KNL1: variants seen among roughly 807,000 people sequenced by gnomAD.
KNL1 encodes the protein outer kinetochore KNL1 complex subunit KNL1.
In KNL1, 66 loss-of-function variants were observed where a neutral mutation model predicts 201.3. The ratio of observed to expected loss-of-function variants is 0.33; its 90% CI spans 0.27 to 0.40. The LOEUF (loss-of-function observed/expected upper bound fraction) is 0.40, where lower values mean the gene tolerates loss of function less well. Among genes scored for constraint, KNL1 ranks in the 10% least tolerant of loss-of-function variants. KNL1 has a pLI of 1.00. For missense variants in KNL1, 2,815 were observed against 2,690.5 expected (o/e 1.05, Z -1.02); for synonymous variants, 895 against 899.2 (o/e 1.00, Z 0.08).
chr15:40,609,600 C>G (rs1043091460), intron 5 of KNL1, among the ~76,000 whole-genome samples: 1 of 152,034 alleles, frequency 6.6e-6, no homozygotes, highest in Non-Finnish European at 1.5e-5. Flanking sequence ...ATAACAAAAG[C>G]CAGTGAAATA....
rs762292107 is a variant in KNL1 at position 40,650,501 on chromosome 15, C to CTAA, written c.6173-40_6173-38dup. On this transcript the variant is annotated intron_variant, in intron 18 of 25. Transcript: ENST00000399668. ...TAAAACAGATTTTTGTGGCAACATT[C>CTAA]TAATATGTTTGTTCTGTTTTTTTTT... 1.1e-5 allele frequency: 17 copies of CTAA among 1,542,188 alleles called. No homozygotes were observed. In the South Asian group the frequency reaches 2.1e-4, roughly 19 times the overall value.
chr15:40,612,042 G>T (rs1224217829), intron 7 of KNL1, among the ~76,000 whole-genome samples: 2 of 152,074 alleles, frequency 1.3e-5, no homozygotes, highest in Non-Finnish European at 2.9e-5. Context: ...AATTGGCCGG[G>T]CACAGTGGCT....
chr15:40,641,008 C>G lies in KNL1; in HGVS notation c.5779C>G (p.Arg1927Gly). The G allele has an allele frequency of 1.2e-6, 2 of 1,609,590 alleles. No homozygotes were observed. Among genetic ancestry groups the G allele is most frequent in the East Asian group, 2.2e-5 (1 of 44,814 alleles). Residue 1927 changes from arginine to glycine, a missense_variant, in exon 14 of 26, where the codon CGT becomes GGT. This residue lies in a region of KNL1 where 2,464 missense variants were observed against 2,291.7 expected (regional missense o/e 1.08). Coordinates refer to ENST00000399668, the MANE Select transcript of KNL1 (RefSeq NM_144508.5). ...GATTTATAGAGAAGATTGTGAGGCT[C>G]GTCGCCAAAAGATTGAAGAGTATGA... ...IQIYREDCEARRQKIEELKLS... is the reference protein window; with the variant it reads ...IQIYREDCEAGRQKIEELKLS...
At chr15:40,616,780 C>T (rs900651011) in intron 8 of KNL1, among the ~76,000 whole-genome samples, 1 of 152,176 alleles carries the variant, frequency 6.6e-6, no homozygotes, top group South Asian at 2.1e-4. Flanking sequence ...GAATAAAGCC[C>T]ATACTCCTTA....
chr15:40,625,605 GAGAT>G lies in KNL1; in HGVS notation c.5342_5345del (p.Glu1781ValfsTer21). ...TAAGGAGAAAAAAATCAGAAAAAATGAGATTAAGTTTAGTGATACGACACAAGAT... is the reference window on the plus strand; with the variant it reads ...TAAGGAGAAAAAAATCAGAAAAAATGTAAGTTTAGTGATACGACACAAGAT... On this transcript the variant is annotated frameshift_variant, in exon 10 of 26. Transcript: ENST00000399668. LOFTEE classifies it high-confidence loss of function. 1 of 1,610,038 alleles carries G rather than the reference GAGAT, an allele frequency of 6.2e-7. No individual in the cohort carries two copies. The highest frequency in any genetic ancestry group is 8.5e-7 in the Non-Finnish European group (1 of 1,179,080).
intron 12 of KNL1, 48 bp from the exon 13 acceptor site, chr15:40,629,225 A>C (rs1297724523): frequency 9.5e-7 from 1 of 1,053,392 alleles, no homozygotes; most frequent in Non-Finnish European, 1.4e-6. Context: ...GTTATATCAA[A>C]GTGAAATCAC....
chr15:40,606,462 T>C lies in KNL1; in HGVS notation c.135+10T>C. The C allele has an allele frequency of 1.4e-6, 2 of 1,449,146 alleles. No individual in the cohort carries two copies. Among genetic ancestry groups the C allele is most frequent in the Non-Finnish European group, 1.9e-6 (2 of 1,030,814 alleles). The allele number at this position is 1,449,146 out of a possible 1,614,324, so 89.8% of individuals were successfully genotyped here. On this transcript the variant is annotated intron_variant, in intron 4 of 25. Transcript: ENST00000399668. ...GAATGAAAGAGTTCAGGTAAGTCTT[T>C]TGTGCAAATACTTTATAGATGACTA...
chr15:40,619,133 G>A, intron 9 of KNL1, 122 bp downstream of exon 9: 1 of 725,836 alleles, frequency 1.4e-6, no homozygotes, highest in Non-Finnish European at 2.4e-6. Flanking sequence ...GCATAAACTG[G>A]AAAGGCTTCC....
chr15:40,646,234 A>G (rs769835656), intron 16 of KNL1, among the ~76,000 whole-genome samples: 1 of 152,202 alleles, frequency 6.6e-6, no homozygotes, highest in Non-Finnish European at 1.5e-5. Flanking sequence ...TCAGAGAAAC[A>G]TAATTTTTTA....
At chr15:40,598,644 G>A (rs1038915011) in intron 1 of KNL1, among the ~76,000 whole-genome samples, 11 of 152,080 alleles carry the variant, frequency 7.2e-5, no homozygotes, top group Admixed American at 1.3e-4. Flanking sequence ...ATTGGAAATC[G>A]AATTAGATGT....
At chr15:40,642,774 C>T (rs563006969) in intron 14 of KNL1, among the ~76,000 whole-genome samples, 1 of 152,130 alleles carries the variant, frequency 6.6e-6, no homozygotes, top group African/African-American at 2.4e-5. Flanking sequence ...ATTACAGGTG[C>T]CCACCAACAT....
intron 15 of KNL1, 116 bp from the exon 16 acceptor site, chr15:40,645,540 A>G: frequency 1.9e-6 from 1 of 519,860 alleles, no homozygotes; most frequent in Admixed American, 3.1e-5. Flanking sequence ...ATGGAATTAA[A>G]TTTGCAAATG....
chr15:40,628,705 T>C (rs1241086576), intron 12 of KNL1, 27 bp downstream of exon 12: 2 of 1,441,118 alleles, frequency 1.4e-6, no homozygotes, highest in Non-Finnish European at 1.9e-6. Context: ...TTTCTTTTTT[T>C]TATTTATAAA....
rs1399929412 is a variant in KNL1, at chr15:40,618,814, TAAA to T, written c.323-140_323-138del. On this transcript the variant is annotated intron_variant, in intron 8 of 25. Coordinates refer to ENST00000399668, the MANE Select transcript of KNL1 (RefSeq NM_144508.5). ...AATGATGTATCAATTTTTAAAAAATTAAAAAAATTTAATACGTAAGTTCTTAAG... is the reference window on the plus strand; with the variant it reads ...AATGATGTATCAATTTTTAAAAAATTAAAATTTAATACGTAAGTTCTTAAG... 13 of 511,544 alleles carry T rather than the reference TAAA, an allele frequency of 2.5e-5. No individual in the cohort carries two copies. The South Asian group carries it at 3.0e-4, about 12-fold the overall frequency. 31.7% of individuals were successfully genotyped at this position (511,544 alleles called of 1,614,324 possible). A position where few individuals can be genotyped will look rare whatever the true frequency, so the allele number is the denominator to read the frequency against.
At position 40,622,550 on chromosome 15, in the gene KNL1, G is replaced by A. The variant is rs1235052148; in HGVS notation, c.2286G>A (p.Met762Ile). 1 of 1,613,736 alleles carries A rather than the reference G, an allele frequency of 6.2e-7. No individual in the cohort carries two copies. Among genetic ancestry groups the A allele is most frequent in the East Asian group, 2.2e-5 (1 of 44,856 alleles). Residue 762 changes from methionine to isoleucine, a missense_variant, in exon 10 of 26, where the codon ATG becomes ATA. Coordinates refer to ENST00000399668, the MANE Select transcript of KNL1 (RefSeq NM_144508.5). ...TATGTTCAGAGGAAGAGCAAAATATGGATCTAACAAAGAGCCACACTGTCG... is the reference window on the plus strand; with the variant it reads ...TATGTTCAGAGGAAGAGCAAAATATAGATCTAACAAAGAGCCACACTGTCG... ...MIICSEEEQN[M>I]DLTKSHTVVI... is the part of the protein sequence containing the mutation.
In KNL1 at chr15:40,624,085, G is replaced by A; in HGVS notation, c.3821G>A (p.Ser1274Asn). 1 of 1,614,044 alleles carries A rather than the reference G, an allele frequency of 6.2e-7. No individual in the cohort carries two copies. The highest frequency in any genetic ancestry group is 1.1e-5 in the South Asian group (1 of 91,084). The stretch of plus-strand genomic sequence containing the variant: ...ACATTGGAAAAAGCGCAAGTTGAAA[G>A]CTGTCAGTTAAATAATAGAGATAGA... ...ACTLEKAQVE[S>N]CQLNNRDRRN... The change falls in exon 10 of 26, where the codon AGC becomes AAC. Residue 1274 changes from serine to asparagine, a missense_variant. Ser to Asn is a conservative substitution (Grantham distance 46). Transcript: ENST00000399668.
intron 9 of KNL1, among the ~76,000 whole-genome samples, chr15:40,619,310 G>A (rs1892440467): frequency 1.3e-5 from 2 of 151,576 alleles, no homozygotes; most frequent in Non-Finnish European, 2.9e-5. Flanking sequence ...GTAGCAAAGA[G>A]TTAATCTGTG....
intron 13 of KNL1, among the ~76,000 whole-genome samples, chr15:40,631,781 A>C (rs1239764538): frequency 2.6e-5 from 4 of 152,112 alleles, no homozygotes; most frequent in Admixed American, 6.6e-5. Flanking sequence ...GACCAAGGCG[A>C]GAGGAATGCT....
At chr15:40,650,206 AT>A in intron 17 of KNL1, 94 bp from the exon 18 acceptor site, 1 of 788,824 alleles carries the variant, frequency 1.3e-6, no homozygotes, top group Non-Finnish European at 2.0e-6. Context: ...CGTTTAATAA[AT>A]TGTTTTTGAT....
Sources: gnomAD v4.1 joint callset for allele counts (sites outside exome capture counted in the v4.1 genomes callset) on GRCh38, gnomAD v4.1.1 for gene constraint, gnomAD v4.1.1 regional missense constraint, MANE v1.5 for transcripts, NCBI Gene and HGNC (gene_info 2026-07-23, HGNC 2026-07-21) for gene names.